The following ZNF790 variants were observed in gnomAD, a reference collection of about 807,000 sequenced individuals.
ZNF790 encodes zinc finger protein 790.
A neutral mutation model predicts 12.1 loss-of-function variants in ZNF790; 8 were observed. The observed-to-expected ratio is 0.66, with a 90% CI of 0.39 to 1.19. The LOEUF is 1.19. Ranked by LOEUF, ZNF790 falls within the 50% of genes most tolerant of loss-of-function variation. ZNF790 has a pLI of 0.01. For synonymous variants in ZNF790, 252 were observed against 244.3 expected (o/e 1.03, Z -0.29); for missense variants, 707 against 752.2 (o/e 0.94, Z 0.70).
At chr19:36,843,453 C>T (rs923146317) in intron 1 of ZNF790, among the ~76,000 whole-genome samples, 8 of 152,092 alleles carry the variant, frequency 5.3e-5, no homozygotes, top group African/African-American at 1.7e-4. Flanking sequence ...CTCCTGAAAC[C>T]CTGATGGGCT....
At chr19:36,849,793 GATCT>G (rs2072225412) in intron 1 of ZNF790, among the ~76,000 whole-genome samples, 1 of 151,444 alleles carries the variant, frequency 6.6e-6, no homozygotes, top group Non-Finnish European at 1.5e-5. Context: ...ATCCATACAC[GATCT>G]TGCCCCCCCC....
chr19:36,825,462 A>G (rs2071776611), intron 2 of ZNF790, 149 bp downstream of exon 2: 1 of 866,922 alleles, frequency 1.2e-6, no homozygotes, highest in African/African-American at 1.7e-5. Context: ...AAAGAGGGAT[A>G]TCTAGGGAAA....
At chr19:36,827,111 T>TACACACAC (rs1163360749) in intron 1 of ZNF790, among the ~76,000 whole-genome samples, 5 of 65,110 alleles carry the variant, frequency 7.7e-5, no homozygotes, top group Non-Finnish European at 1.4e-4. Context: ...TGTATATATA[T>TACACACAC]ACACATACAC....
chr19:36,848,572 G>A (rs1055616247), intron 1 of ZNF790, among the ~76,000 whole-genome samples: 3 of 152,208 alleles, frequency 2.0e-5, no homozygotes, highest in Non-Finnish European at 4.4e-5. Context: ...TAGAGCAACA[G>A]AGCCACATTA....
chr19:36,825,906 T>A (rs565517000), intron 1 of ZNF790, among the ~76,000 whole-genome samples: 1 of 152,272 alleles, frequency 6.6e-6, no homozygotes, highest in African/African-American at 2.4e-5. Context: ...ACTAGATAAG[T>A]CAATTCTGGC....
At chr19:36,823,608 C>T in intron 3 of ZNF790, 59 bp downstream of exon 3, 2 of 1,579,022 alleles carry the variant, frequency 1.3e-6, no homozygotes, top group Non-Finnish European at 1.7e-6. Context: ...ATTTAAAAGA[C>T]AATAAAAAAA....
At chr19:36,838,883 G>C (rs577075304), upstream of ZNF790, among the ~76,000 whole-genome samples, 1 of 152,296 alleles carries the variant, frequency 6.6e-6, no homozygotes, top group Admixed American at 6.5e-5. The surrounding 1 kb of genome is among the most constrained non-coding windows in gnomAD (Gnocchi z 4.4). Context: ...TCCCGTCTCT[G>C]CCCGAGCCTC....
intron 4 of ZNF790, among the ~76,000 whole-genome samples, chr19:36,822,909 G>A (rs1430501215): frequency 6.7e-6 from 1 of 148,354 alleles, no homozygotes; most frequent in Non-Finnish European, 1.5e-5. Flanking sequence ...GCAGTGCAGT[G>A]GCACGATCTC....
rs1462558571 is a variant in ZNF790 at position 36,819,369 on chromosome 19, A to G, written c.975T>C (p.Leu325=). Residue 325 remains leucine (L), a synonymous_variant, in exon 5 of 5, where the codon CTT becomes CTC. Coordinates refer to ENST00000356725, the MANE Select transcript of ZNF790 (RefSeq NM_206894.4). ...CAGTGTGAATTCTCTGATGTTTAAT[A>G]AGATGTGATCGCTGACTAAAGGCCT... ...CRKAFSQRSH[L]IKHQRIHTGE... is the part of the protein sequence containing the mutation. 1.2e-6 allele frequency: 2 copies of G among 1,613,088 alleles called. No individual in the cohort carries two copies. Among genetic ancestry groups the G allele is most frequent in the Non-Finnish European group, 1.7e-6 (2 of 1,179,512 alleles).
intron 2 of ZNF790, among the ~76,000 whole-genome samples, 200 bp from the exon 3 acceptor site, chr19:36,823,990 C>T (rs535320749): frequency 9.6e-6 from 1 of 104,460 alleles, no homozygotes; most frequent in Admixed American, 9.1e-5. Context: ...TGTCTACATG[C>T]TCTTTTTTTT....
intron 1 of ZNF790, among the ~76,000 whole-genome samples, chr19:36,844,864 C>T (rs1025781305): frequency 1.3e-5 from 2 of 149,978 alleles, no homozygotes; most frequent in East Asian, 2.0e-4. Context: ...CCGGCTAAAA[C>T]GGTGAAACCC....
chr19:36,832,903 C>T (rs1295657449), intron 1 of ZNF790, among the ~76,000 whole-genome samples: 1 of 149,926 alleles, frequency 6.7e-6, no homozygotes, highest in Non-Finnish European at 1.5e-5. Context: ...TTTAGGACTA[C>T]AGCCAAGGCA....
intron 2 of ZNF790, among the ~76,000 whole-genome samples, chr19:36,824,078 G>A (rs1200716498): frequency 1.4e-5 from 2 of 140,458 alleles, no homozygotes; most frequent in African/African-American, 2.7e-5. Flanking sequence ...ATCACTGCAA[G>A]CTCCGCCTCC....
intron 1 of ZNF790, among the ~76,000 whole-genome samples, chr19:36,826,773 A>G (rs2071813346): frequency 6.6e-6 from 1 of 151,076 alleles, no homozygotes; most frequent in South Asian, 2.1e-4. Flanking sequence ...ATACTGTAGG[A>G]AATAAAGGTA....
chr19:36,833,516 C>G (rs78195923), intron 1 of ZNF790, among the ~76,000 whole-genome samples: 2,245 of 142,276 alleles, frequency 0.016, 44 homozygotes, highest in African/African-American at 0.064. Context: ...TTATCACATT[C>G]ATGGGATGAA....
rs576973261 is a variant in ZNF790, at chr19:36,847,192, A to G, written c.-74+2810T>C. ...AACATGGTGAAACCCTGTCTTTACT[A>G]AAAATACAAAAATTAGCCGGGTGTG... On this transcript the variant is annotated intron_variant, in intron 1 of 4. Coordinates refer to the ZNF790 transcript ENST00000528994. Among the ~76,000 whole-genome samples, 3 of 152,162 alleles carry G rather than the reference A, an allele frequency of 2.0e-5. No individual in the cohort carries two copies. The South Asian group carries it at 6.2e-4, about 32-fold the overall frequency.
chr19:36,845,603 A>G (rs1443504113), intron 1 of ZNF790, among the ~76,000 whole-genome samples: 3 of 152,180 alleles, frequency 2.0e-5, no homozygotes, highest in African/African-American at 7.2e-5. Context: ...GTCCTCTAGC[A>G]GTATTGGGGA....
At chr19:36,847,600 A>G (rs2072192229) in intron 1 of ZNF790, among the ~76,000 whole-genome samples, 1 of 151,984 alleles carries the variant, frequency 6.6e-6, no homozygotes, top group East Asian at 1.9e-4. Flanking sequence ...AAATACAAAA[A>G]TTAGCCGGGA....
rs1345345580 is a variant in ZNF790, at chr19:36,824,642, A to C, written c.10-852T>G. On this transcript the variant is annotated intron_variant, in intron 2 of 4. Transcript: ENST00000356725. Reference sequence around the variant, plus strand: ...ACCACATCTTTATGATCTTCAAATCACAAATACCAAAACATCAGAATGGTA... The same window carrying C: ...ACCACATCTTTATGATCTTCAAATCCCAAATACCAAAACATCAGAATGGTA... Among the ~76,000 whole-genome samples, 10 of 152,200 alleles carry C rather than the reference A, an allele frequency of 6.6e-5. No individual in the cohort carries two copies. The East Asian group carries it at 1.9e-3, about 29-fold the overall frequency.
Sources: gnomAD v4.1 joint callset for allele counts (sites outside exome capture counted in the v4.1 genomes callset) on GRCh38, gnomAD v4.1.1 for gene constraint, Gnocchi (gnomAD v3.1) non-coding constraint, MANE v1.5 for transcripts, NCBI Gene and HGNC (gene_info 2026-07-23, HGNC 2026-07-21) for gene names.